The following SLC7A2 variants were observed in gnomAD, a reference collection of about 807,000 sequenced individuals.
SLC7A2 encodes the protein solute carrier family 7 member 2.
A neutral mutation model predicts 58.9 loss-of-function variants in SLC7A2; 48 were observed. The observed-to-expected ratio is 0.82, with a 90% CI of 0.65 to 1.04. The LOEUF (loss-of-function observed/expected upper bound fraction) is 1.04. Among genes scored for constraint, SLC7A2 ranks in the 50% least tolerant of loss-of-function variants. The pLI, the probability that SLC7A2 is intolerant of heterozygous loss-of-function variation, is 0.00. For synonymous variants in SLC7A2, 363 were observed against 314.5 expected (o/e 1.15, Z -1.63); for missense variants, 1,029 against 818.8 (o/e 1.26, Z -3.13).
At position 17,504,423 on chromosome 8, in the gene SLC7A2, A is replaced by G. The variant is rs548713341; in HGVS notation, c.-23+2121A>G. On this transcript the variant is annotated intron_variant, in intron 2 of 12. Transcript: ENST00000494857. ...TACTTTAAAGTCTTGTATTGCAGTG[A>G]TATTTTTAAATGTTTATGTAATTCT... 1.4e-4 allele frequency among the ~76,000 whole-genome samples: 21 copies of G among 152,322 alleles called. No homozygotes were observed. The East Asian group carries it at 3.9e-3, about 28-fold the overall frequency.
intron 11 of SLC7A2, 109 bp from the exon 12 acceptor site, chr8:17,563,494 G>C (rs1803118746): frequency 4.4e-6 from 3 of 686,894 alleles, no homozygotes; most frequent in Admixed American, 4.7e-5. Context: ...AACTGTGATT[G>C]ACGTGGTGTG....
chr8:17,545,552 C>T (rs1368598826), intron 4 of SLC7A2, among the ~76,000 whole-genome samples: 4 of 151,668 alleles, frequency 2.6e-5, no homozygotes, highest in Non-Finnish European at 2.9e-5. Flanking sequence ...TGCGCGCCAC[C>T]GCACCTGGCT....
intron 2 of SLC7A2, among the ~76,000 whole-genome samples, chr8:17,520,283 A>G (rs17632516): frequency 0.032 from 4,901 of 152,230 alleles, 278 homozygotes; most frequent in South Asian, 0.22. Flanking sequence ...TCATGAGAAT[A>G]TTTGTGTATG....
intron 9 of SLC7A2, among the ~76,000 whole-genome samples, chr8:17,559,586 C>T (rs1013472293): frequency 2.6e-5 from 4 of 152,016 alleles, no homozygotes; most frequent in Non-Finnish European, 4.4e-5. Context: ...CATAACAAAA[C>T]GAAAGAAGAA....
intron 2 of SLC7A2, among the ~76,000 whole-genome samples, chr8:17,541,757 T>C (rs1239892994): frequency 6.6e-6 from 1 of 152,238 alleles, no homozygotes; most frequent in East Asian, 1.9e-4. Context: ...GAAATAGGTA[T>C]TAGCAATGTA....
chr8:17,494,074 T>A (rs1279573850), upstream of SLC7A2, among the ~76,000 whole-genome samples: 1 of 152,216 alleles, frequency 6.6e-6, no homozygotes, highest in Non-Finnish European at 1.5e-5. Flanking sequence ...CAAGCATTAG[T>A]ATCCAGTATC....
chr8:17,527,869 A>G (rs530001451), intron 2 of SLC7A2, among the ~76,000 whole-genome samples: 1 of 152,144 alleles, frequency 6.6e-6, no homozygotes, highest in Non-Finnish European at 1.5e-5. Flanking sequence ...TGGATGGAGG[A>G]CACAATTCAA....
intron 2 of SLC7A2, among the ~76,000 whole-genome samples, chr8:17,539,134 C>T (rs1173736023): frequency 3.9e-5 from 6 of 152,232 alleles, no homozygotes; most frequent in South Asian, 2.1e-4. Context: ...AAGTTTGCTC[C>T]GTCAATGTCA....
At position 17,543,222 on chromosome 8, in the gene SLC7A2, A is replaced by G. The variant is rs975017244; in HGVS notation, c.-22-96A>G. On this transcript the variant is annotated intron_variant, in intron 2 of 12. Transcript: ENST00000494857. ...CACACACACACACACACACAAACACACACACACACATACTCTAATTGTGCC... is the reference window on the plus strand; with the variant it reads ...CACACACACACACACACACAAACACGCACACACACATACTCTAATTGTGCC... 3 of 1,127,048 alleles carry G rather than the reference A, an allele frequency of 2.7e-6. No homozygotes were observed. In the African/African-American group the frequency reaches 4.7e-5, roughly 18 times the overall value. The allele number at this position is 1,127,048 out of a possible 1,614,324, so 69.8% of individuals were successfully genotyped here.
At chr8:17,547,239 A>G (rs1302887904) in intron 4 of SLC7A2, among the ~76,000 whole-genome samples, 3 of 105,484 alleles carry the variant, frequency 2.8e-5, no homozygotes, top group African/African-American at 9.3e-5. Context: ...CGAGTAGGGA[A>G]AGAACGTCTC....
At chr8:17,500,160 G>A (rs1327152965) in intron 1 of SLC7A2, 1 of 152,094 alleles carries the variant, frequency 6.6e-6, no homozygotes, top group Non-Finnish European at 1.5e-5. Flanking sequence ...TTTTTATTTT[G>A]CTGTACTCTA....
chr8:17,559,754 A>C (rs1468384421), intron 9 of SLC7A2, among the ~76,000 whole-genome samples: 1 of 152,242 alleles, frequency 6.6e-6, no homozygotes, highest in African/African-American at 2.4e-5. Context: ...ACACAGCCAA[A>C]CCATATCACG....
chr8:17,504,715 A>G (rs1800296032), intron 2 of SLC7A2, among the ~76,000 whole-genome samples: 1 of 152,206 alleles, frequency 6.6e-6, no homozygotes, highest in African/African-American at 2.4e-5. Context: ...ATTGTATAAT[A>G]TTTACAACTT....
At chr8:17,503,614 G>C (rs1800254513) in intron 2 of SLC7A2, among the ~76,000 whole-genome samples, 1 of 150,118 alleles carries the variant, frequency 6.7e-6, no homozygotes, top group Non-Finnish European at 1.5e-5. Flanking sequence ...TTCATACGCG[G>C]CGCTCATAGT....
At position 17,560,361 on chromosome 8, in the gene SLC7A2, A is replaced by G; in HGVS notation, c.1332A>G (p.Lys444=). Residue 444 remains lysine, a synonymous_variant, in exon 10 of 13, where the codon AAA becomes AAG. Coordinates refer to ENST00000494857, the MANE Select transcript of SLC7A2 (RefSeq NM_001370338.1). ...YQPGLSYDQP[K]CSPEKDGLGS... ...CTGGCTTATCTTACGACCAGCCCAA[A>G]TGTTCTCCTGAGAAAGATGGTCTGG... 6.2e-7 allele frequency: 1 copy of G among 1,614,134 alleles called. No homozygotes were observed. The highest frequency in any genetic ancestry group is 8.5e-7 in the Non-Finnish European group (1 of 1,179,984).
At chr8:17,500,179 TACC>T (rs988643035) in intron 1 of SLC7A2, 7 of 152,178 alleles carry the variant, frequency 4.6e-5, no homozygotes, top group African/African-American at 1.7e-4. Context: ...TATTAAAAAA[TACC>T]ACCACTTCTA....
At chr8:17,499,053 T>G (rs923701337) in intron 1 of SLC7A2, 4 of 152,212 alleles carry the variant, frequency 2.6e-5, no homozygotes, top group Admixed American at 2.6e-4. Flanking sequence ...TGGAAGTGCC[T>G]TGTCCCCATT....
At position 17,543,624 on chromosome 8, in the gene SLC7A2, G is replaced by A. The variant is rs149924750; in HGVS notation, c.285G>A (p.Lys95=). 1.3e-6 allele frequency: 2 copies of A among 1,593,550 alleles called. No homozygotes were observed. The highest frequency in any genetic ancestry group is 2.7e-5 in the African/African-American group (2 of 74,448). Residue 95 remains lysine, a synonymous_variant, in exon 3 of 13, where the codon AAG becomes AAA. Coordinates refer to ENST00000494857, the MANE Select transcript of SLC7A2 (RefSeq NM_001370338.1). ...CYAEFGARVP[K]TGSAYLYTYV... is the part of the protein sequence containing the mutation. ...CCGAATTTGGGGCCCGTGTTCCCAAGACGGGGTCTGCATATTTGTACACCT... is the reference window on the plus strand; with the variant it reads ...CCGAATTTGGGGCCCGTGTTCCCAAAACGGGGTCTGCATATTTGTACACCT...
intron 2 of SLC7A2, among the ~76,000 whole-genome samples, chr8:17,532,262 C>T (rs936584094): frequency 8.6e-6 from 1 of 116,790 alleles, no homozygotes; most frequent in Non-Finnish European, 1.8e-5. Flanking sequence ...AAAAAAAACC[C>T]CAGCAATTCT....
Sources: allele counts gnomAD v4.1 joint callset (sites outside exome capture counted in the v4.1 genomes callset), GRCh38; gene constraint gnomAD v4.1.1; transcripts MANE v1.5; gene names NCBI Gene and HGNC (gene_info 2026-07-23, HGNC 2026-07-21).